Variants in ETV6 observed in about 807,000 individuals in gnomAD.
ETV6 encodes transcription factor ETV6.
ETV6 carries 16 observed loss-of-function variants against 51.1 expected under a neutral mutation model. The ratio of observed to expected loss-of-function variants is 0.31; its 90% CI spans 0.21 to 0.48. The LOEUF (loss-of-function observed/expected upper bound fraction) is 0.48. ETV6 is among the 20% of genes least tolerant of loss of function. The pLI, the probability that ETV6 is intolerant of heterozygous loss-of-function variation, is 0.99. For synonymous variants in ETV6, 240 were observed against 224.1 expected, an observed-to-expected ratio of 1.07 and a Z score of -0.64; for missense variants, 458 against 594.8, an observed-to-expected ratio of 0.77 and a Z score of 2.39.
At chr12:11,731,569 C>T (rs776379253) in intron 1 of ETV6, among the ~76,000 whole-genome samples, 5 of 151,682 alleles carry the variant, frequency 3.3e-5, no homozygotes, top group Non-Finnish European at 5.9e-5. Flanking sequence ...GTCTTATTGG[C>T]CTTTAAGGAA....
intron 1 of ETV6, among the ~76,000 whole-genome samples, chr12:11,674,048 C>A (rs1159123457): frequency 6.6e-6 from 1 of 152,140 alleles, no homozygotes; most frequent in African/African-American, 2.4e-5. Context: ...CTAAAAGGTA[C>A]AAATCGTAAT....
At chr12:11,815,554 G>A (rs182953518) in intron 2 of ETV6, among the ~76,000 whole-genome samples, 8 of 152,332 alleles carry the variant, frequency 5.3e-5, no homozygotes, top group East Asian at 3.9e-4. Context: ...ATTTAGCCCC[G>A]TTCCCTTCAG....
At chr12:11,726,678 G>T (rs1194335408) in intron 1 of ETV6, among the ~76,000 whole-genome samples, 2 of 152,270 alleles carry the variant, frequency 1.3e-5, no homozygotes, top group African/African-American at 4.8e-5. Flanking sequence ...GCTGAGGTGG[G>T]AGGATTGCTT....
intron 2 of ETV6, among the ~76,000 whole-genome samples, chr12:11,838,192 ATGAG>A (rs1333884255): frequency 6.6e-6 from 1 of 152,226 alleles, no homozygotes; most frequent in Non-Finnish European, 1.5e-5. Context: ...CTAAGAAAGA[ATGAG>A]AGCGAAAAAG....
At chr12:11,671,118 G>T (rs1386633360) in intron 1 of ETV6, among the ~76,000 whole-genome samples, 1 of 152,164 alleles carries the variant, frequency 6.6e-6, no homozygotes, top group East Asian at 1.9e-4. Context: ...CTGAAAAAGG[G>T]TAAGGTTGGC....
At chr12:11,800,746 C>A (rs1020528237) in intron 2 of ETV6, among the ~76,000 whole-genome samples, 3 of 150,450 alleles carry the variant, frequency 2.0e-5, no homozygotes, top group East Asian at 1.9e-4. Flanking sequence ...GTTACCCCCC[C>A]AGAAAGGGGG....
chr12:11,772,668 C>T (rs1318268355), intron 2 of ETV6, among the ~76,000 whole-genome samples: 1 of 152,230 alleles, frequency 6.6e-6, no homozygotes, highest in African/African-American at 2.4e-5. Context: ...TAGCAGTTCT[C>T]TTCCACCACC....
chr12:11,825,887 G>T (rs957928262), intron 2 of ETV6, among the ~76,000 whole-genome samples: 2 of 149,014 alleles, frequency 1.3e-5, no homozygotes, highest in Non-Finnish European at 3.0e-5. Flanking sequence ...ACCCAGGCTG[G>T]AGTGCAGTGG....
intron 1 of ETV6, among the ~76,000 whole-genome samples, chr12:11,746,298 T>C (rs1865907083): frequency 6.6e-6 from 1 of 152,234 alleles, no homozygotes; most frequent in African/African-American, 2.4e-5. Flanking sequence ...TAGATCAGTC[T>C]GCACGCAAAT....
intron 1 of ETV6, among the ~76,000 whole-genome samples, chr12:11,701,703 G>T (rs896297601): frequency 1.3e-5 from 2 of 152,200 alleles, no homozygotes; most frequent in Non-Finnish European, 2.9e-5. Context: ...TGACCAGGGA[G>T]TACACGGTCT....
intron 1 of ETV6, 138 bp downstream of exon 1, chr12:11,650,298 A>G (rs1179529741): frequency 1.3e-6 from 1 of 761,262 alleles, no homozygotes; most frequent in East Asian, 2.5e-5. Context: ...AGGGAAAGAG[A>G]TGCAGCTCGC....
intron 1 of ETV6, among the ~76,000 whole-genome samples, chr12:11,702,118 G>A (rs1412403119): frequency 1.3e-5 from 2 of 152,174 alleles, no homozygotes; most frequent in African/African-American, 4.8e-5. Context: ...GAATGGATTG[G>A]AATGGGAGAG....
chr12:11,831,229 G>C lies in ETV6; in HGVS notation c.164-7911G>C, dbSNP rs543538231. Among the ~76,000 whole-genome samples the C allele has an allele frequency of 1.7e-3, 255 of 152,242 alleles. 1 individual carries two copies. The highest frequency in any genetic ancestry group is 5.8e-3 in the African/African-American group (241 of 41,554). ...TCTGTGTCTGTGTGTGTCTGTGTGT[G>C]TGTTTGTTTGTTTTGAAATAGAGTC... On this transcript the variant is annotated intron_variant, in intron 2 of 7. Transcript: ENST00000396373.
intron 3 of ETV6, 77 bp from the exon 4 acceptor site, chr12:11,853,350 C>G: frequency 6.3e-7 from 1 of 1,577,164 alleles, no homozygotes; most frequent in Non-Finnish European, 8.7e-7. Context: ...GTGCCAGGCA[C>G]TTAGCTGCTG....
At chr12:11,751,967 C>G (rs1363015951) in intron 1 of ETV6, 3 of 361,592 alleles carry the variant, frequency 8.3e-6, no homozygotes, top group Non-Finnish European at 1.7e-5. Context: ...GAAGCTGTCA[C>G]TTTACTTGAT....
intron 1 of ETV6, among the ~76,000 whole-genome samples, chr12:11,686,747 G>A (rs1045160475): frequency 6.6e-6 from 1 of 151,936 alleles, no homozygotes; most frequent in Non-Finnish European, 1.5e-5. Flanking sequence ...GGCTGGTCTC[G>A]AACCCCTGAC....
At chr12:11,890,831 T>C in intron 7 of ETV6, 110 bp from the exon 8 acceptor site, 1 of 842,076 alleles carries the variant, frequency 1.2e-6, no homozygotes, top group African/African-American at 1.7e-5. Context: ...TCAGTAGCTC[T>C]CCAGCTGTAT....
At chr12:11,840,958 T>C (rs1209780955) in intron 3 of ETV6, 4 of 160,264 alleles carry the variant, frequency 2.5e-5, no homozygotes, top group African/African-American at 7.2e-5. Context: ...ACGTTATATA[T>C]CTGGAGGAAA....
intron 2 of ETV6, among the ~76,000 whole-genome samples, chr12:11,835,701 G>T (rs945898424): frequency 6.6e-6 from 1 of 152,210 alleles, no homozygotes; most frequent in Non-Finnish European, 1.5e-5. Context: ...GATAATTTGA[G>T]AAAGTCTCCA....
Sources: gnomAD v4.1 joint callset for allele counts (sites outside exome capture counted in the v4.1 genomes callset) on GRCh38, gnomAD v4.1.1 for gene constraint, MANE v1.5 for transcripts, NCBI Gene and HGNC (gene_info 2026-07-23, HGNC 2026-07-21) for gene names.